The following CMIP variants were observed in gnomAD, a reference collection of about 807,000 sequenced individuals.
The protein encoded by CMIP is c-Maf inducing protein, also known as C-Maf-inducing protein.
Under a neutral mutation model 97.3 loss-of-function variants are expected in CMIP, and 13 were observed. The ratio of observed to expected loss-of-function variants is 0.13; its 90% CI spans 0.09 to 0.21. CMIP has a LOEUF of 0.21. Ranked by LOEUF, CMIP falls within the 10% of genes least tolerant of loss-of-function variation. The pLI is 1.00. For synonymous variants in CMIP, 538 were observed against 436.3 expected (o/e 1.23, Z -2.91); for missense variants, 847 against 1,024.9 (o/e 0.83, Z 2.37).
chr16:81,651,489 G>A (rs1028281033), intron 3 of CMIP: 9 of 543,454 alleles, frequency 1.7e-5, no homozygotes, highest in Non-Finnish European at 2.1e-5. Context: ...ATTTCCCGGG[G>A]GAGCATTCCA....
chr16:81,597,859 C>G (rs953852696), intron 1 of CMIP, among the ~76,000 whole-genome samples: 2 of 152,102 alleles, frequency 1.3e-5, no homozygotes, highest in Admixed American at 1.3e-4. Context: ...TCTGTCTCCC[C>G]CCCAGCTTGA....
At chr16:81,648,855 G>T (rs1378877280) in intron 3 of CMIP, among the ~76,000 whole-genome samples, 1 of 143,390 alleles carries the variant, frequency 7.0e-6, no homozygotes, top group Non-Finnish European at 1.5e-5. Context: ...TGGACAAATG[G>T]CCAGCTCCCT....
chr16:81,692,809 G>A (rs73600482), intron 11 of CMIP, among the ~76,000 whole-genome samples: 290 of 152,316 alleles, frequency 1.9e-3, no homozygotes, highest in African/African-American at 6.4e-3. Context: ...AGTGCCGCCC[G>A]CCTTAATCGT....
chr16:81,564,892 A>T (rs954896307), intron 1 of CMIP, among the ~76,000 whole-genome samples: 35 of 152,146 alleles, frequency 2.3e-4, no homozygotes, highest in Non-Finnish European at 4.4e-5. Context: ...TGCGGGGAAG[A>T]AGGCATCCTT....
chr16:81,711,689 C>G lies in CMIP; in HGVS notation c.*1890C>G, dbSNP rs994991508. 1 of 151,938 alleles carries G rather than the reference C, an allele frequency of 6.6e-6. No homozygotes were observed. Among genetic ancestry groups the G allele is most frequent in the Non-Finnish European group, 1.5e-5 (1 of 67,952 alleles). 9.4% of individuals were successfully genotyped at this position (151,938 alleles called of 1,614,324 possible). A position where few individuals can be genotyped will look rare whatever the true frequency, so the allele number is the denominator to read the frequency against. ...CTGTTGCTTTTCCTGATGGTTAATACTACTGTCACGTAGCTGTGTACAAAG... is the reference window on the plus strand; with the variant it reads ...CTGTTGCTTTTCCTGATGGTTAATAGTACTGTCACGTAGCTGTGTACAAAG... On this transcript the variant is annotated 3_prime_UTR_variant, in exon 21 of 21. Coordinates refer to ENST00000537098, the MANE Select transcript of CMIP (RefSeq NM_198390.3).
rs533264161 is a variant in CMIP at position 81,511,708 on chromosome 16, G to C, written c.300+66167G>C. ...TCCTGGTAGCTGGGACTACAGGTGT[G>C]CACCACCACGCCTGCCTAATTTTTT... On this transcript the variant is annotated intron_variant, in intron 1 of 20. Transcript: ENST00000537098. Among the ~76,000 whole-genome samples the C allele has an allele frequency of 3.9e-5, 6 of 152,268 alleles. No homozygotes were observed. In the East Asian group the frequency reaches 9.7e-4, roughly 24 times the overall value.
At chr16:81,469,406 C>G (rs945316197) in intron 1 of CMIP, among the ~76,000 whole-genome samples, 15 of 152,250 alleles carry the variant, frequency 9.9e-5, no homozygotes, top group African/African-American at 3.6e-4. Flanking sequence ...GCGGTACCAA[C>G]TCCATGGGCT....
intron 1 of CMIP, among the ~76,000 whole-genome samples, chr16:81,542,451 C>A (rs2090466459): frequency 6.6e-6 from 1 of 152,122 alleles, no homozygotes; most frequent in African/African-American, 2.4e-5. Flanking sequence ...CGTGCGTGAT[C>A]TTGAGAGGCA....
chr16:81,658,361 C>T (rs2092508353), intron 5 of CMIP, among the ~76,000 whole-genome samples: 1 of 152,218 alleles, frequency 6.6e-6, no homozygotes, highest in Admixed American at 6.5e-5. Flanking sequence ...AATGAAATTG[C>T]ACCTGCTAGA....
At position 81,627,099 on chromosome 16, in the gene CMIP, CTG is replaced by C. The variant is rs897633980; in HGVS notation, c.477+6176_477+6177del. On this transcript the variant is annotated intron_variant, in intron 3 of 20. Coordinates refer to ENST00000537098, the MANE Select transcript of CMIP (RefSeq NM_198390.3). The surrounding 1 kb of genome is among the most constrained non-coding windows in gnomAD (Gnocchi z 4.6). ...GTGTATGTGTGGTGTGTGGGGGTGA[CTG>C]TGAGAGTGTGTGTGTGGTGTGTGTG... Among the ~76,000 whole-genome samples the C allele has an allele frequency of 1.7e-5, 2 of 120,854 alleles. No individual in the cohort carries two copies. Among genetic ancestry groups the C allele is most frequent in the African/African-American group, 3.3e-5 (1 of 30,348 alleles). 79.3% of individuals were successfully genotyped at this position (120,854 alleles called of 152,430 possible). A position where few individuals can be genotyped will look rare whatever the true frequency, so the allele number is the denominator to read the frequency against.
At chr16:81,447,418 C>T (rs965821639) in intron 1 of CMIP, among the ~76,000 whole-genome samples, 2 of 151,966 alleles carry the variant, frequency 1.3e-5, no homozygotes, top group African/African-American at 2.4e-5. Flanking sequence ...AGCCAGCTCT[C>T]GAGGCTAATG....
chr16:81,486,702 T>C (rs142592007), intron 1 of CMIP, among the ~76,000 whole-genome samples: 3 of 152,334 alleles, frequency 2.0e-5, no homozygotes, highest in African/African-American at 4.8e-5. Flanking sequence ...TAAGAGACCT[T>C]GAAGGCTCTT....
At chr16:81,503,475 C>G (rs991322799) in intron 1 of CMIP, among the ~76,000 whole-genome samples, 1 of 152,190 alleles carries the variant, frequency 6.6e-6, no homozygotes, top group Admixed American at 6.5e-5. Context: ...TGGCTTACTG[C>G]AGCCTTGACC....
chr16:81,703,764 A>C (rs1597275209), intron 17 of CMIP, 175 bp from the exon 18 acceptor site: 10 of 737,212 alleles, frequency 1.4e-5, no homozygotes, highest in South Asian at 4.4e-5. Flanking sequence ...CTCTCTGGCC[A>C]CCCCCTTGGC....
intron 1 of CMIP, among the ~76,000 whole-genome samples, chr16:81,545,256 TC>T (rs1269988726): frequency 6.6e-6 from 1 of 152,162 alleles, no homozygotes; most frequent in Non-Finnish European, 1.5e-5. Flanking sequence ...TTTAATGCAT[TC>T]GTTATCTCAG....
At chr16:81,473,610 C>G (rs141478757) in intron 1 of CMIP, among the ~76,000 whole-genome samples, 2 of 147,456 alleles carry the variant, frequency 1.4e-5, no homozygotes, top group African/African-American at 5.1e-5. Flanking sequence ...TATTTATTTC[C>G]CATTAAGGGA....
intron 1 of CMIP, chr16:81,518,244 T>C (rs1042589992): frequency 6.6e-6 from 1 of 152,234 alleles, no homozygotes; most frequent in Non-Finnish European, 1.5e-5. Flanking sequence ...TCTGTCATAA[T>C]TGTGAAAGTA....
At chr16:81,471,953 G>A (rs753998770) in intron 1 of CMIP, among the ~76,000 whole-genome samples, 5 of 152,156 alleles carry the variant, frequency 3.3e-5, no homozygotes, top group African/African-American at 7.2e-5. Context: ...TTTAGACTGC[G>A]GTTGACTATG....
At chr16:81,624,411 C>T (rs1039686604) in intron 3 of CMIP, among the ~76,000 whole-genome samples, 2 of 151,210 alleles carry the variant, frequency 1.3e-5, no homozygotes, top group Admixed American at 6.6e-5. Context: ...GGCTGCGGTG[C>T]ACATACTGTC....
Sources: allele counts gnomAD v4.1 joint callset (sites outside exome capture counted in the v4.1 genomes callset), GRCh38; gene constraint gnomAD v4.1.1; non-coding constraint Gnocchi (gnomAD v3.1); transcripts MANE v1.5; gene names NCBI Gene and HGNC (gene_info 2026-07-23, HGNC 2026-07-21).